PACRG: variants seen among roughly 807,000 people sequenced by gnomAD.
PACRG encodes parkin coregulated, also known as parkin coregulated gene protein.
PACRG carries 29 observed loss-of-function variants against 29.7 expected under a neutral mutation model. The observed-to-expected ratio is 0.98, with a 90% CI of 0.73 to 1.33. The LOEUF is 1.33. PACRG is among the 40% of genes most tolerant of loss of function. The pLI is 0.00. For missense variants in PACRG, 279 were observed against 316.2 expected, an observed-to-expected ratio of 0.88 and a Z score of 0.89; for synonymous variants, 116 against 118.7, an observed-to-expected ratio of 0.98 and a Z score of 0.15.
intron 3 of PACRG, 108 bp from the exon 4 acceptor site, chr6:163,089,151 A>G (rs761786292): frequency 1.5e-5 from 17 of 1,149,612 alleles, no homozygotes; most frequent in Non-Finnish European, 2.0e-5. Context: ...GGTCCCCAGT[A>G]GAGCACAGTT....
chr6:162,974,954 T>TA (rs1801825727), intron 2 of PACRG, among the ~76,000 whole-genome samples: 1 of 152,202 alleles, frequency 6.6e-6, no homozygotes, highest in Non-Finnish European at 1.5e-5. Flanking sequence ...GATTGACTCT[T>TA]ACAGCAGTGA....
chr6:163,200,953 CCCCAGGCACTGGGT>C (rs1383132387), intron 4 of PACRG, among the ~76,000 whole-genome samples: 1 of 152,168 alleles, frequency 6.6e-6, no homozygotes, highest in African/African-American at 2.4e-5. Context: ...AGGCCCCAGG[CCCCAGGCACTGGGT>C]GGGATCCGCA....
chr6:162,857,220 C>T (rs1173094968), intron 2 of PACRG, among the ~76,000 whole-genome samples: 1 of 152,196 alleles, frequency 6.6e-6, no homozygotes, highest in Non-Finnish European at 1.5e-5. Flanking sequence ...TTCTCTTTTC[C>T]ACGCACACTT....
chr6:163,095,258 C>T, intron 4 of PACRG: 1 of 985,172 alleles, frequency 1.0e-6, no homozygotes, highest in Non-Finnish European at 1.2e-6. Flanking sequence ...CAACCCAAAT[C>T]CACTTATAAA....
At chr6:163,155,922 C>T (rs1562942104) in intron 4 of PACRG, among the ~76,000 whole-genome samples, 2 of 152,256 alleles carry the variant, frequency 1.3e-5, no homozygotes, top group African/African-American at 4.8e-5. Context: ...GCTGTTCCCT[C>T]CGTCTGGAAT....
chr6:162,862,738 T>TA (rs1216309099), intron 2 of PACRG, among the ~76,000 whole-genome samples: 2 of 152,148 alleles, frequency 1.3e-5, no homozygotes, highest in African/African-American at 4.8e-5. Flanking sequence ...AAGACAGAGA[T>TA]AAAGCATGTG....
At chr6:163,027,742 A>G (rs1451209362) in intron 2 of PACRG, among the ~76,000 whole-genome samples, 1 of 152,198 alleles carries the variant, frequency 6.6e-6, no homozygotes, top group Non-Finnish European at 1.5e-5. Flanking sequence ...TGCAGCTTTC[A>G]TGGCCAGTCA....
At chr6:162,836,541 T>C (rs1179103329) in intron 2 of PACRG, among the ~76,000 whole-genome samples, 1 of 152,152 alleles carries the variant, frequency 6.6e-6, no homozygotes, top group East Asian at 1.9e-4. Context: ...TACCGTCCTT[T>C]CTGCTACTCA....
At chr6:162,733,702 G>A (rs1584169722) in intron 1 of PACRG, among the ~76,000 whole-genome samples, 1 of 152,154 alleles carries the variant, frequency 6.6e-6, no homozygotes. Flanking sequence ...CCGGAACTCA[G>A]TTAGTGCCAC....
Position 163,034,093 on chromosome 6 carries a change from G to C in PACRG, c.292-28057G>C, listed in dbSNP as rs897740998. 2.0e-5 allele frequency among the ~76,000 whole-genome samples: 3 copies of C among 152,056 alleles called. No homozygotes were observed. In the South Asian group the frequency reaches 6.3e-4, roughly 32 times the overall value. ...GCACAGAGAGAGAAACAGCGGAAAA[G>C]CATTGCCTGCAGCAGGGTGGGAAGG... On this transcript the variant is annotated intron_variant, in intron 2 of 4. Transcript: ENST00000366888.
intron 4 of PACRG, among the ~76,000 whole-genome samples, chr6:163,250,260 A>G (rs186680545): frequency 6.6e-6 from 1 of 152,362 alleles, no homozygotes; most frequent in East Asian, 1.9e-4. Flanking sequence ...TTTGCACCAT[A>G]ACCATTGAAA....
At position 163,101,091 on chromosome 6, in the gene PACRG, A is replaced by G. The variant is rs1218316546; in HGVS notation, c.613+11683A>G. Reference sequence around the variant, plus strand: ...AGGCGGTCATACAATGAAATTAAAAATCATTCTCCATTCAGTGACTTTTAA... The same window carrying G: ...AGGCGGTCATACAATGAAATTAAAAGTCATTCTCCATTCAGTGACTTTTAA... On this transcript the variant is annotated intron_variant, in intron 4 of 4. Transcript: ENST00000366888. 9.2e-6 allele frequency: 9 copies of G among 980,220 alleles called. No individual in the cohort carries two copies. The East Asian group carries it at 1.0e-3, about 112-fold the overall frequency. The allele number at this position is 980,220 out of a possible 1,614,324, so 60.7% of individuals were successfully genotyped here.
chr6:163,155,498 C>A (rs1459448143), intron 4 of PACRG, among the ~76,000 whole-genome samples: 6 of 152,262 alleles, frequency 3.9e-5, no homozygotes, highest in Non-Finnish European at 1.5e-5. Context: ...GCGAGAGGCC[C>A]TATTGGCTAA....
chr6:163,129,312 A>G (rs775034890), intron 4 of PACRG, among the ~76,000 whole-genome samples: 1 of 152,248 alleles, frequency 6.6e-6, no homozygotes, highest in Non-Finnish European at 1.5e-5. Context: ...GTCCCGTCAC[A>G]GGACATTGTC....
At chr6:162,951,694 T>C (rs1276461662) in intron 2 of PACRG, among the ~76,000 whole-genome samples, 7 of 152,254 alleles carry the variant, frequency 4.6e-5, no homozygotes, top group Non-Finnish European at 8.8e-5. Flanking sequence ...GGGCATACTT[T>C]AACGGTTTAT....
chr6:162,745,533 TG>T (rs1257687008), intron 1 of PACRG, among the ~76,000 whole-genome samples: 1 of 152,160 alleles, frequency 6.6e-6, no homozygotes, highest in African/African-American at 2.4e-5. Flanking sequence ...ACATGTATCC[TG>T]GAACTTTAAA....
At chr6:163,180,663 G>C (rs979859964) in intron 4 of PACRG, among the ~76,000 whole-genome samples, 1 of 151,718 alleles carries the variant, frequency 6.6e-6, no homozygotes, top group Non-Finnish European at 1.5e-5. Context: ...GTTTAAGAGG[G>C]GTTTTTTGTA....
At chr6:162,947,463 CATATATA>C (rs1282970537) in intron 2 of PACRG, among the ~76,000 whole-genome samples, 9 of 22,654 alleles carry the variant, frequency 4.0e-4, no homozygotes, top group Non-Finnish European at 7.6e-4. Context: ...TATATATAAT[CATATATA>C]ATATATATAT....
upstream of PACRG, chr6:162,727,779 G>C: frequency 3.5e-6 from 4 of 1,155,214 alleles, no homozygotes; most frequent in Admixed American, 2.1e-5. Flanking sequence ...AGGCCTCCCC[G>C]CCCCCGCGCC....
Sources: allele counts gnomAD v4.1 joint callset (sites outside exome capture counted in the v4.1 genomes callset), GRCh38; gene constraint gnomAD v4.1.1; transcripts MANE v1.5; gene names NCBI Gene and HGNC (gene_info 2026-07-23, HGNC 2026-07-21).